LPCAT1: variants seen among roughly 807,000 people sequenced by gnomAD.
The protein encoded by LPCAT1 is 1-acylglycerol-3-phosphate O-acyltransferase.
In LPCAT1, 23 loss-of-function variants were observed where a neutral mutation model predicts 60.9. The observed-to-expected ratio is 0.38, with a 90% CI of 0.27 to 0.53. The LOEUF (loss-of-function observed/expected upper bound fraction) is 0.53, where lower values mean the gene tolerates loss of function less well. Among genes scored for constraint, LPCAT1 ranks in the 20% least tolerant of loss-of-function variants. The pLI, the probability that LPCAT1 is intolerant of heterozygous loss-of-function variation, is 0.82. For synonymous variants in LPCAT1, 340 were observed against 301.1 expected (o/e 1.13, Z -1.34); for missense variants, 622 against 723.6 (o/e 0.86, Z 1.61).
chr5:1,502,972 C>T lies in LPCAT1; in HGVS notation c.136-1369G>A, dbSNP rs993629682. ...GTATATCTGAAATACCATTTCGACA[C>T]GTACTCAACGTAGAAGTTGCTACTG... On this transcript the variant is annotated intron_variant, in intron 1 of 13. Transcript: ENST00000283415. This position sits in a 1 kb window ranked among gnomAD's most constrained non-coding sequence, Gnocchi z 5.5. 1.3e-5 allele frequency among the ~76,000 whole-genome samples: 2 copies of T among 152,288 alleles called. No individual in the cohort carries two copies. The highest frequency in any genetic ancestry group is 2.9e-5 in the Non-Finnish European group (2 of 68,030).
Position 1,522,878 on chromosome 5 carries a change from G to A in LPCAT1, c.135+832C>T, listed in dbSNP as rs1404755342. On this transcript the variant is annotated intron_variant, in intron 1 of 13. Coordinates refer to ENST00000283415, the MANE Select transcript of LPCAT1 (RefSeq NM_024830.5). The surrounding 1 kb of genome is among the most constrained non-coding windows in gnomAD (Gnocchi z 6.8). ...GCCAGGTAGCCGGAAAAGCCAGGCT[G>A]AGCCAGCACATCCCCGGTGCAGCTT... Among the ~76,000 whole-genome samples the A allele has an allele frequency of 1.3e-5, 2 of 152,156 alleles. No individual in the cohort carries two copies. The highest frequency in any genetic ancestry group is 2.9e-5 in the Non-Finnish European group (2 of 68,012).
rs1034826204 is a variant in LPCAT1 at position 1,483,543 on chromosome 5, C to G, written c.668-57G>C. 1 of 1,568,108 alleles carries G rather than the reference C, an allele frequency of 6.4e-7. No homozygotes were observed. The highest frequency in any genetic ancestry group is 1.4e-5 in the African/African-American group (1 of 73,804). ...GGCAGCCCACGCAGGACAGCGTCTG[C>G]TGCGTTTCTCATGCTGCCCTTGGGA... On this transcript the variant is annotated intron_variant, in intron 5 of 13. Coordinates refer to ENST00000283415, the MANE Select transcript of LPCAT1 (RefSeq NM_024830.5). The surrounding 1 kb of genome is among the most constrained non-coding windows in gnomAD (Gnocchi z 9.2).
Position 1,474,684 on chromosome 5 carries a change from C to T in LPCAT1, c.901G>A (p.Ala301Thr), listed in dbSNP as rs368297052. The T allele has an allele frequency of 3.7e-6, 6 of 1,612,758 alleles. No individual in the cohort carries two copies. The African/African-American group carries it at 8.0e-5, about 22-fold the overall frequency. Residue 301 changes from alanine to threonine, a missense_variant and splice_region_variant, in exon 10 of 14, where the codon GCC becomes ACC. Physicochemically the swap from Ala to Thr is moderately conservative, Grantham distance 58 (BLOSUM62 0). Transcript: ENST00000283415. The part of the protein sequence containing the change: ...ASNVRRVMAE[A>T]LGVSVTDYTF... ...TAGTCAGTCACGGAGACACCCAAGG[C>T]CCTACAAGGAGGGCAGCACCCCCGT...
intron 3 of LPCAT1, among the ~76,000 whole-genome samples, chr5:1,492,499 T>G (rs1579789552): frequency 6.6e-6 from 1 of 152,132 alleles, no homozygotes; most frequent in African/African-American, 2.4e-5. Flanking sequence ...GGGAGCAAAA[T>G]GTGGTTCCTG....
chr5:1,462,384 T>TG lies in LPCAT1; in HGVS notation c.*1266dup, dbSNP rs1253899288. ...ACACCAAAATACCCCATCCAGGGCCTGGAAGCCCCTCTGCCTTTGACTCTA... is the reference window on the plus strand; with the variant it reads ...ACACCAAAATACCCCATCCAGGGCCTGGGAAGCCCCTCTGCCTTTGACTCTA... On this transcript the variant is annotated 3_prime_UTR_variant, in exon 14 of 14. Coordinates refer to ENST00000283415, the MANE Select transcript of LPCAT1 (RefSeq NM_024830.5). The TG allele has an allele frequency of 6.6e-6, 1 of 152,444 alleles. No individual in the cohort carries two copies. The highest frequency in any genetic ancestry group is 1.5e-5 in the Non-Finnish European group (1 of 68,016). The allele number at this position is 152,444 out of a possible 1,614,324, so 9.4% of individuals were successfully genotyped here. A position where few individuals can be genotyped will look rare whatever the true frequency, so the allele number is the denominator to read the frequency against.
chr5:1,522,497 C>T lies in LPCAT1; in HGVS notation c.135+1213G>A, dbSNP rs924560645. ...GGAGCCAGGCTGGGGACGACCTCAC[C>T]CTGTGTGTCACCAGGAGGGGCGGCA... On this transcript the variant is annotated intron_variant, in intron 1 of 13. Transcript: ENST00000283415. The surrounding 1 kb of genome is among the most constrained non-coding windows in gnomAD (Gnocchi z 6.8). Among the ~76,000 whole-genome samples the T allele has an allele frequency of 2.0e-5, 3 of 152,098 alleles. No homozygotes were observed. Among genetic ancestry groups the T allele is most frequent in the Non-Finnish European group, 4.4e-5 (3 of 68,006 alleles).
Position 1,466,869 on chromosome 5 carries a change from C to G in LPCAT1, c.1300G>C (p.Gly434Arg). 1 of 1,607,348 alleles carries G rather than the reference C, an allele frequency of 6.2e-7. No individual in the cohort carries two copies. Among genetic ancestry groups the G allele is most frequent in the Non-Finnish European group, 8.5e-7 (1 of 1,176,064 alleles). ...GACAGGTCACCTTCGCCGACGCTGC[C>G]GTCCTCTTGCGCTCCGTACATCTGC... ...AFKMYGAQED[G>R]SVGEGDLSCI... Residue 434 changes from glycine (G) to arginine (R), a missense_variant, in exon 13 of 14, where the codon GGC becomes CGC. Around this residue, in one of 3 missense-constraint regions of LPCAT1, gnomAD observed 288 missense variants for 283.6 expected, o/e 1.02. Coordinates refer to ENST00000283415, the MANE Select transcript of LPCAT1 (RefSeq NM_024830.5).
chr5:1,466,852 A>G lies in LPCAT1; in HGVS notation c.1317T>C (p.Gly439=), dbSNP rs1359824938. The change falls in exon 13 of 14, where the codon GGT becomes GGC. Residue 439 remains glycine, a synonymous_variant. Transcript: ENST00000283415. ...CCGTCTTGAGGATGCAGGACAGGTC[A>G]CCTTCGCCGACGCTGCCGTCCTCTT... ...GAQEDGSVGE[G]DLSCILKTAL... 6.2e-7 allele frequency: 1 copy of G among 1,608,582 alleles called. No homozygotes were observed. The highest frequency in any genetic ancestry group is 2.2e-5 in the East Asian group (1 of 44,484).
At chr5:1,507,957 G>A (rs1486869938) in intron 1 of LPCAT1, among the ~76,000 whole-genome samples, 1 of 152,170 alleles carries the variant, frequency 6.6e-6, no homozygotes, top group Non-Finnish European at 1.5e-5. Flanking sequence ...ACAAGGAGGA[G>A]CTGGAGGACC....
chr5:1,501,520 A>G lies in LPCAT1; in HGVS notation c.219T>C (p.Leu73=). The stretch of plus-strand genomic sequence containing the variant: ...TCTCCGCAGAGCCCAGGGATGCGAC[A>G]AGTGCGAGGGGCCAGGCCAGCAGCA... The part of the protein sequence containing the change: ...AMMLLAWPLA[L]VASLGSAEKE... Residue 73 remains leucine, a synonymous_variant, in exon 2 of 14, where the codon CTT becomes CTC. Transcript: ENST00000283415. 1.2e-6 allele frequency: 2 copies of G among 1,613,920 alleles called. No homozygotes were observed. The highest frequency in any genetic ancestry group is 1.7e-6 in the Non-Finnish European group (2 of 1,179,912).
chr5:1,501,281 G>A (rs1364231582), intron 2 of LPCAT1, among the ~76,000 whole-genome samples, 180 bp downstream of exon 2: 4 of 152,240 alleles, frequency 2.6e-5, no homozygotes, highest in Non-Finnish European at 4.4e-5. Flanking sequence ...GGAAGACAGA[G>A]GCAACGGGGA....
At chr5:1,520,859 TCAAAAAAAAAAAAAAAAAAAGAAAAAG>T (rs1736651174) in intron 1 of LPCAT1, among the ~76,000 whole-genome samples, 1 of 35,190 alleles carries the variant, frequency 2.8e-5, no homozygotes, top group African/African-American at 1.9e-4. Flanking sequence ...AGAGACTGTC[TCAAAAAAAAAAAAAAAAAAAGAAAAAG>T]AAAAAGAAAA....
intron 13 of LPCAT1, among the ~76,000 whole-genome samples, chr5:1,466,097 T>C (rs1397747579): frequency 2.0e-5 from 3 of 152,276 alleles, no homozygotes; most frequent in Non-Finnish European, 2.9e-5. Flanking sequence ...GGCCAGGGCC[T>C]GCAGCCCTGG....
intron 13 of LPCAT1, among the ~76,000 whole-genome samples, chr5:1,464,665 A>G (rs2937654): frequency 0.73 from 107,915 of 148,216 alleles, 39,165 homozygotes; most frequent in South Asian, 0.83. Flanking sequence ...ACACAAAAGC[A>G]CGCACACACA....
intron 12 of LPCAT1, among the ~76,000 whole-genome samples, chr5:1,467,833 TTCCCCGAG>T (rs1271766506): frequency 6.6e-6 from 1 of 152,108 alleles, no homozygotes; most frequent in Non-Finnish European, 1.5e-5. Context: ...TACCTGGTTC[TTCCCCGAG>T]TCCTCTGCCT....
Position 1,523,793 on chromosome 5 carries a change from C to T in LPCAT1, c.52G>A (p.Ala18Thr). ...GGCGCCAGCAGCCGAGCGTCGCTGG[C>T]CCCTGCGCTGGAGGCAGGGGCGGCC... ...PRAAPASSAG[A>T]SDARLLAPPG... Residue 18 changes from alanine (A) to threonine (T), a missense_variant, in exon 1 of 14, where the codon GCC becomes ACC. By Grantham distance (58) the Ala-to-Thr change is moderately conservative. Around this residue, in one of 3 missense-constraint regions of LPCAT1, gnomAD observed 125 missense variants for 114.5 expected, o/e 1.09. Coordinates refer to ENST00000283415, the MANE Select transcript of LPCAT1 (RefSeq NM_024830.5). This position sits in a 1 kb window ranked among gnomAD's most constrained non-coding sequence, Gnocchi z 7.1. 9.0e-7 allele frequency: 1 copy of T among 1,117,210 alleles called. No homozygotes were observed. The highest frequency in any genetic ancestry group is 1.1e-6 in the Non-Finnish European group (1 of 915,594). The allele number at this position is 1,117,210 out of a possible 1,614,324, so 69.2% of individuals were successfully genotyped here.
rs966607005 is a variant in LPCAT1 at position 1,495,831 on chromosome 5, C to T, written c.279-917G>A. Among the ~76,000 whole-genome samples the T allele has an allele frequency of 1.9e-4, 29 of 152,292 alleles. No homozygotes were observed. Among genetic ancestry groups the T allele is most frequent in the African/African-American group, 6.5e-4 (27 of 41,566 alleles). On this transcript the variant is annotated intron_variant, in intron 2 of 13. Coordinates refer to ENST00000283415, the MANE Select transcript of LPCAT1 (RefSeq NM_024830.5). The surrounding 1 kb of genome is among the most constrained non-coding windows in gnomAD (Gnocchi z 4.7). ...CATTGCCCTGGGACAGATGATCCTCCCAGAAGACTTCCAGGACAGGGGTCC... is the reference window on the plus strand; with the variant it reads ...CATTGCCCTGGGACAGATGATCCTCTCAGAAGACTTCCAGGACAGGGGTCC...
intron 12 of LPCAT1, among the ~76,000 whole-genome samples, chr5:1,469,286 T>C (rs928112330): frequency 6.6e-5 from 10 of 152,158 alleles, no homozygotes; most frequent in African/African-American, 2.4e-4. Flanking sequence ...AGGGACCCGG[T>C]GCACACTGTC....
In LPCAT1 at chr5:1,473,946, A is replaced by G. The variant is rs1295159067; in HGVS notation, c.1179+11T>C. On this transcript the variant is annotated intron_variant, in intron 11 of 13. Transcript: ENST00000283415. ...TTGCCGACACCCCGCTCCGCAGGCG[A>G]CAGGCCCTACCTCGTCGAACAGTGA... 6.2e-7 allele frequency: 1 copy of G among 1,612,474 alleles called. No individual in the cohort carries two copies. The highest frequency in any genetic ancestry group is 8.5e-7 in the Non-Finnish European group (1 of 1,178,870).
Sources: allele counts gnomAD v4.1 joint callset (sites outside exome capture counted in the v4.1 genomes callset), GRCh38; gene constraint gnomAD v4.1.1; regional missense constraint gnomAD v4.1.1; non-coding constraint Gnocchi (gnomAD v3.1); transcripts MANE v1.5; gene names NCBI Gene and HGNC (gene_info 2026-07-23, HGNC 2026-07-21).